The following GRB10 variants were observed in gnomAD, a reference collection of about 807,000 sequenced individuals.
The protein encoded by GRB10 is growth factor receptor bound protein 10.
Under a neutral mutation model 80.9 loss-of-function variants are expected in GRB10, and 20 were observed. That is an observed-to-expected ratio of 0.25 (90% CI 0.17 to 0.36). The LOEUF (loss-of-function observed/expected upper bound fraction) is 0.36, where lower values mean the gene tolerates loss of function less well. Ranked by LOEUF, GRB10 falls within the 10% of genes least tolerant of loss-of-function variation. The pLI, the probability that GRB10 is intolerant of heterozygous loss-of-function variation, is 1.00. For missense variants in GRB10, 548 were observed against 747.7 expected (o/e 0.73, Z 3.12); for synonymous variants, 291 against 291.5 (o/e 1.00, Z 0.02).
chr7:50,647,163 G>A (rs1295777020), intron 7 of GRB10, among the ~76,000 whole-genome samples: 1 of 137,920 alleles, frequency 7.3e-6, no homozygotes, highest in East Asian at 2.6e-4. Context: ...GAATCTATCA[G>A]TGTCTAAATA....
intron 4 of GRB10, among the ~76,000 whole-genome samples, chr7:50,715,174 G>A (rs913713579): frequency 1.3e-5 from 2 of 151,148 alleles, no homozygotes; most frequent in African/African-American, 4.9e-5. Context: ...GGTCTGGCCT[G>A]GAGCTCCAGC....
At chr7:50,732,418 ATCC>A in intron 3 of GRB10, 50 bp from the exon 4 acceptor site, 2 of 1,099,980 alleles carry the variant, frequency 1.8e-6, no homozygotes, top group Non-Finnish European at 2.8e-6. Flanking sequence ...AAAAAAAAAA[ATCC>A]ACTACTTATG....
intron 3 of GRB10, among the ~76,000 whole-genome samples, chr7:50,734,418 C>T (rs1338106080): frequency 1.3e-5 from 2 of 151,708 alleles, no homozygotes; most frequent in Non-Finnish European, 1.5e-5. Context: ...CCACCTTGCC[C>T]GCTGGGTGAC....
intron 3 of GRB10, among the ~76,000 whole-genome samples, chr7:50,744,152 A>G (rs1258653981): frequency 1.3e-5 from 2 of 152,168 alleles, no homozygotes; most frequent in African/African-American, 4.8e-5. Context: ...GGAACAGGTC[A>G]GAGTACTGCC....
At chr7:50,784,866 T>C (rs1458506822), upstream of GRB10, among the ~76,000 whole-genome samples, 1 of 152,168 alleles carries the variant, frequency 6.6e-6, no homozygotes, top group African/African-American at 2.4e-5. Context: ...CATTCACCTC[T>C]GGAAATGGGA....
intron 5 of GRB10, among the ~76,000 whole-genome samples, chr7:50,692,084 T>C (rs1336439573): frequency 1.3e-5 from 2 of 152,252 alleles, no homozygotes; most frequent in Non-Finnish European, 2.9e-5. Flanking sequence ...CTTGTCATTA[T>C]TCTCCAAATA....
At chr7:50,753,238 A>G (rs2074453136) in intron 3 of GRB10, among the ~76,000 whole-genome samples, 1 of 152,314 alleles carries the variant, frequency 6.6e-6, no homozygotes, top group East Asian at 1.9e-4. Flanking sequence ...CTCAGACTCT[A>G]TTATTTTGAT....
intron 5 of GRB10, among the ~76,000 whole-genome samples, chr7:50,685,472 G>A (rs2153653232): frequency 6.6e-6 from 1 of 152,226 alleles, no homozygotes; most frequent in South Asian, 2.1e-4. Context: ...AGGGCAAGGG[G>A]TACTGGAGCC....
At chr7:50,774,189 G>A (rs1246466510) in intron 2 of GRB10, among the ~76,000 whole-genome samples, 1 of 152,200 alleles carries the variant, frequency 6.6e-6, no homozygotes, top group African/African-American at 2.4e-5. Flanking sequence ...CTTAGGGTTG[G>A]GAAAGCAGGG....
chr7:50,642,799 TTATAAA>T (rs879760510), intron 7 of GRB10, among the ~76,000 whole-genome samples: 39 of 152,336 alleles, frequency 2.6e-4, no homozygotes, highest in African/African-American at 6.7e-4. Context: ...TAGTTTTCTA[TTATAAA>T]TATAATGTGT....
chr7:50,776,221 T>C (rs549634735), intron 2 of GRB10, among the ~76,000 whole-genome samples: 1 of 152,274 alleles, frequency 6.6e-6, no homozygotes, highest in African/African-American at 2.4e-5. Flanking sequence ...TCTGCTTCCT[T>C]TTCTTTTTTG....
At chr7:50,616,411 TATC>T (rs1168031846) in intron 10 of GRB10, 64 bp from the exon 11 acceptor site, 22 of 1,446,488 alleles carry the variant, frequency 1.5e-5, no homozygotes, top group Non-Finnish European at 2.0e-5. Flanking sequence ...GCAGACATGT[TATC>T]AGCATAGCTG....
At chr7:50,671,653 A>G (rs2153638122) in intron 6 of GRB10, among the ~76,000 whole-genome samples, 1 of 152,378 alleles carries the variant, frequency 6.6e-6, no homozygotes, top group South Asian at 2.1e-4. Flanking sequence ...ACGTCTGGCC[A>G]TTGTCATACA....
intron 12 of GRB10, 110 bp downstream of exon 12, chr7:50,614,660 T>C (rs2050200415): frequency 3.8e-6 from 3 of 792,942 alleles, no homozygotes; most frequent in Non-Finnish European, 6.8e-6. Context: ...TGTGAAACTA[T>C]GTTTCTGTTG....
chr7:50,656,543 C>G (rs949238852), intron 7 of GRB10, among the ~76,000 whole-genome samples: 17 of 152,208 alleles, frequency 1.1e-4, no homozygotes, highest in African/African-American at 4.1e-4. Context: ...TTACTATACA[C>G]CCAGAAATAG....
intron 5 of GRB10, among the ~76,000 whole-genome samples, chr7:50,696,818 C>T (rs2063481035): frequency 6.6e-6 from 1 of 152,174 alleles, no homozygotes; most frequent in Admixed American, 6.5e-5. Flanking sequence ...TAGATACATA[C>T]CCCAAGGATT....
chr7:50,616,932 T>C (rs143922753), intron 10 of GRB10, among the ~76,000 whole-genome samples: 1 of 152,116 alleles, frequency 6.6e-6, no homozygotes, highest in Non-Finnish European at 1.5e-5. Flanking sequence ...TGGAGCGAAG[T>C]TGGGGAGGTG....
intron 17 of GRB10, among the ~76,000 whole-genome samples, chr7:50,597,026 C>A (rs1257632850): frequency 6.6e-6 from 1 of 152,174 alleles, no homozygotes; most frequent in Non-Finnish European, 1.5e-5. Context: ...CTACAATCAT[C>A]AGCAAAATCA....
At chr7:50,748,221 T>C (rs1275963754) in intron 3 of GRB10, among the ~76,000 whole-genome samples, 1 of 152,128 alleles carries the variant, frequency 6.6e-6, no homozygotes, top group Non-Finnish European at 1.5e-5. Flanking sequence ...AAGCCCTAGG[T>C]AGGGGTTTTC....
Sources: allele counts gnomAD v4.1 joint callset (sites outside exome capture counted in the v4.1 genomes callset), GRCh38; gene constraint gnomAD v4.1.1; transcripts MANE v1.5; gene names NCBI Gene and HGNC (gene_info 2026-07-23, HGNC 2026-07-21).